The following COX10 variants were observed in gnomAD, a reference collection of about 807,000 sequenced individuals.
The protein encoded by COX10 is cytochrome c oxidase assembly factor heme A:farnesyltransferase COX10, also known as protoheme IX farnesyltransferase, mitochondrial.
COX10 carries 27 observed loss-of-function variants against 37.3 expected under a neutral mutation model. The observed-to-expected ratio is 0.72, with a 90% confidence interval of 0.53 to 1.00. The LOEUF (loss-of-function observed/expected upper bound fraction) is 1.00. Ranked by LOEUF, COX10 falls within the 50% of genes least tolerant of loss-of-function variation. COX10 has a pLI of 0.00. For missense variants in COX10, 475 were observed against 563.2 expected (o/e 0.84, Z 1.59); for synonymous variants, 222 against 229.1 (o/e 0.97, Z 0.28).
chr17:14,144,547 C>T (rs185677796), intron 4 of COX10, among the ~76,000 whole-genome samples: 1 of 152,198 alleles, frequency 6.6e-6, no homozygotes, highest in East Asian at 1.9e-4. Context: ...AATTTTGCAA[C>T]CTAAATAGTC....
At chr17:14,201,696 C>A (rs1477283121) in intron 6 of COX10, among the ~76,000 whole-genome samples, 2 of 152,148 alleles carry the variant, frequency 1.3e-5, no homozygotes, top group Non-Finnish European at 2.9e-5. Context: ...TCTGAATGAT[C>A]CAATTCCTTC....
At chr17:14,161,395 T>A (rs1181163155) in intron 5 of COX10, among the ~76,000 whole-genome samples, 1 of 152,188 alleles carries the variant, frequency 6.6e-6, no homozygotes, top group Non-Finnish European at 1.5e-5. Context: ...TAATCTTTAT[T>A]TAAAAATTAA....
chr17:14,096,378 C>A (rs76523325), intron 3 of COX10, among the ~76,000 whole-genome samples: 1 of 88,828 alleles, frequency 1.1e-5, no homozygotes. Flanking sequence ...TTTTTTTTTT[C>A]TTTTTTTTTT....
chr17:14,143,701 T>C (rs1904617098), intron 4 of COX10, among the ~76,000 whole-genome samples: 2 of 152,178 alleles, frequency 1.3e-5, no homozygotes, highest in Admixed American at 6.6e-5. Flanking sequence ...TTATTGAACA[T>C]TTTCAACACG....
intron 4 of COX10, among the ~76,000 whole-genome samples, chr17:14,138,735 C>T (rs1904453625): frequency 6.6e-6 from 1 of 152,096 alleles, no homozygotes; most frequent in Non-Finnish European, 1.5e-5. Flanking sequence ...TGTACTGCCT[C>T]CTATTATTTT....
intron 3 of COX10, among the ~76,000 whole-genome samples, chr17:14,095,793 G>C (rs572272973): frequency 2.0e-5 from 3 of 152,214 alleles, no homozygotes; most frequent in East Asian, 3.9e-4. Flanking sequence ...ATTCCTTCTA[G>C]CTGCCAGCAT....
chr17:14,098,506 T>C (rs1408470940), intron 3 of COX10, among the ~76,000 whole-genome samples: 2 of 151,972 alleles, frequency 1.3e-5, no homozygotes, highest in African/African-American at 4.8e-5. Flanking sequence ...GTCCAGGAGG[T>C]TTTGCAATTT....
chr17:14,191,883 C>T, intron 5 of COX10, 106 bp from the exon 6 acceptor site: 7 of 1,201,292 alleles, frequency 5.8e-6, no homozygotes, highest in Non-Finnish European at 8.6e-6. Context: ...TCAGTACTGC[C>T]TCTACTGGAT....
chr17:14,114,264 T>C (rs906720887), intron 4 of COX10, among the ~76,000 whole-genome samples: 3 of 152,154 alleles, frequency 2.0e-5, no homozygotes, highest in African/African-American at 7.2e-5. Flanking sequence ...AAAATTCACA[T>C]GAACTTTATA....
intron 3 of COX10, among the ~76,000 whole-genome samples, chr17:14,083,520 C>T (rs1915344724): frequency 6.6e-6 from 1 of 152,168 alleles, no homozygotes; most frequent in South Asian, 2.1e-4. Flanking sequence ...TTGTTTATAG[C>T]TGTAATATAC....
At chr17:14,173,945 G>A (rs987312315) in intron 5 of COX10, among the ~76,000 whole-genome samples, 14 of 152,194 alleles carry the variant, frequency 9.2e-5, no homozygotes, top group Admixed American at 2.0e-4. Context: ...TGGGCTCGGC[G>A]GAGGACTCTT....
intron 4 of COX10, among the ~76,000 whole-genome samples, chr17:14,115,438 A>T (rs1015716214): frequency 3.3e-5 from 5 of 152,160 alleles, no homozygotes; most frequent in Non-Finnish European, 7.4e-5. Context: ...GTAGGAATGT[A>T]AATTAGCACA....
chr17:14,089,267 G>T (rs907902362), intron 3 of COX10, among the ~76,000 whole-genome samples: 5 of 152,148 alleles, frequency 3.3e-5, no homozygotes, highest in Non-Finnish European at 7.3e-5. Context: ...TCTGCTCTGT[G>T]ACTACCACCA....
intron 5 of COX10, among the ~76,000 whole-genome samples, chr17:14,164,448 C>G (rs903377608): frequency 2.0e-5 from 3 of 152,122 alleles, no homozygotes; most frequent in African/African-American, 7.2e-5. Context: ...ATAAAATGTT[C>G]TATCATGTTT....
chr17:14,077,674 T>C (rs1273836002), intron 3 of COX10, among the ~76,000 whole-genome samples: 1 of 152,224 alleles, frequency 6.6e-6, no homozygotes, highest in Non-Finnish European at 1.5e-5. Context: ...TCCCATCATA[T>C]AGCCAAGCTT....
chr17:14,104,472 C>T (rs1352407881), intron 4 of COX10, among the ~76,000 whole-genome samples: 1 of 151,836 alleles, frequency 6.6e-6, no homozygotes, highest in Admixed American at 6.6e-5. Context: ...AAGAAATAGT[C>T]CTTAGCAAAA....
chr17:14,192,933 A>T (rs947894717), intron 6 of COX10, among the ~76,000 whole-genome samples: 3 of 152,148 alleles, frequency 2.0e-5, no homozygotes, highest in Non-Finnish European at 2.9e-5. Context: ...ATCAAAAGGC[A>T]GTTGACCATA....
intron 5 of COX10, among the ~76,000 whole-genome samples, chr17:14,170,116 CT>C (rs1329438027): frequency 6.6e-6 from 1 of 152,216 alleles, no homozygotes; most frequent in Non-Finnish European, 1.5e-5. Context: ...TGCCCTTGAA[CT>C]TCACAGCCTA....
intron 5 of COX10, among the ~76,000 whole-genome samples, chr17:14,181,636 G>A (rs1467556593): frequency 6.6e-6 from 1 of 152,148 alleles, no homozygotes; most frequent in South Asian, 2.1e-4. Context: ...TAAAAATAAG[G>A]AGGCAGATCA....
Sources: gnomAD v4.1 joint callset for allele counts (sites outside exome capture counted in the v4.1 genomes callset) on GRCh38, gnomAD v4.1.1 for gene constraint, MANE v1.5 for transcripts, NCBI Gene and HGNC (gene_info 2026-07-23, HGNC 2026-07-21) for gene names.